The following CALN1 variants were observed in gnomAD, a reference collection of about 807,000 sequenced individuals.
The protein encoded by CALN1 is calcium-binding protein 8.
In CALN1, 17 loss-of-function variants were observed where a neutral mutation model predicts 30.6. The ratio of observed to expected loss-of-function variants is 0.56; its 90% CI spans 0.38 to 0.83. CALN1 has a LOEUF of 0.83. Among genes scored for constraint, CALN1 ranks in the 40% least tolerant of loss-of-function variants. The pLI, the probability that CALN1 is intolerant of heterozygous loss-of-function variation, is 0.00. For synonymous variants in CALN1, 156 were observed against 131.4 expected, an observed-to-expected ratio of 1.19 and a Z score of -1.28; for missense variants, 291 against 354.9, an observed-to-expected ratio of 0.82 and a Z score of 1.45.
At chr7:72,012,506 G>A (rs766803377) in intron 5 of CALN1, among the ~76,000 whole-genome samples, 11 of 152,146 alleles carry the variant, frequency 7.2e-5, no homozygotes, top group South Asian at 2.1e-4. Flanking sequence ...GTGAGACTCC[G>A]TCTCAAAAAA....
At chr7:71,914,731 T>C (rs1794598462) in intron 5 of CALN1, among the ~76,000 whole-genome samples, 1 of 152,170 alleles carries the variant, frequency 6.6e-6, no homozygotes, top group African/African-American at 2.4e-5. Flanking sequence ...TTTTTAGTAA[T>C]AGCCATTCTG....
intron 3 of CALN1, among the ~76,000 whole-genome samples, chr7:72,137,156 T>C (rs1201304438): frequency 6.6e-6 from 1 of 152,168 alleles, no homozygotes; most frequent in Non-Finnish European, 1.5e-5. Context: ...GGAAAGTTTA[T>C]TGCAGGGTTG....
intron 2 of CALN1, among the ~76,000 whole-genome samples, chr7:72,310,514 C>T (rs1184537921): frequency 3.3e-5 from 5 of 151,864 alleles, no homozygotes; most frequent in East Asian, 1.9e-4. Context: ...CACCCTAGTG[C>T]CATTTAGATA....
intron 4 of CALN1, among the ~76,000 whole-genome samples, chr7:72,094,474 G>C (rs1806083555): frequency 6.6e-6 from 1 of 152,074 alleles, no homozygotes; most frequent in Non-Finnish European, 1.5e-5. Context: ...GGCTGGTCTC[G>C]AACTCCTGAC....
chr7:72,055,256 G>A (rs988979659), intron 4 of CALN1, among the ~76,000 whole-genome samples: 1 of 152,144 alleles, frequency 6.6e-6, no homozygotes, highest in Non-Finnish European at 1.5e-5. Context: ...GGTGAGGCGG[G>A]GGTTCTGAAT....
intron 3 of CALN1, among the ~76,000 whole-genome samples, chr7:72,251,696 G>A (rs562477): frequency 0.77 from 116,746 of 152,136 alleles, 45,870 homozygotes; most frequent in East Asian, 1. Flanking sequence ...CCACCATGCC[G>A]TAGCTTATTT....
At chr7:72,424,415 A>C (rs1807731401) in intron 1 of CALN1, among the ~76,000 whole-genome samples, 1 of 152,254 alleles carries the variant, frequency 6.6e-6, no homozygotes, top group African/African-American at 2.4e-5. Context: ...TGGGGACTAA[A>C]ATGTGTAGTG....
At chr7:72,201,821 A>C (rs1207477539) in intron 3 of CALN1, among the ~76,000 whole-genome samples, 1 of 151,930 alleles carries the variant, frequency 6.6e-6, no homozygotes, top group Non-Finnish European at 1.5e-5. Flanking sequence ...ATCATACATC[A>C]AACTCCCCTC....
intron 3 of CALN1, among the ~76,000 whole-genome samples, chr7:72,150,831 C>CCAG (rs989175769): frequency 6.6e-6 from 1 of 151,766 alleles, no homozygotes; most frequent in African/African-American, 2.4e-5. Context: ...GTATACTTGT[C>CCAG]CAGCATAGAG....
chr7:72,277,077 G>A (rs1797381831), intron 3 of CALN1, among the ~76,000 whole-genome samples: 1 of 149,888 alleles, frequency 6.7e-6, no homozygotes, highest in Non-Finnish European at 1.5e-5. Context: ...AGTCTATGGT[G>A]TTTTGTTATA....
At chr7:71,988,209 G>A (rs1798775492) in intron 5 of CALN1, among the ~76,000 whole-genome samples, 1 of 152,226 alleles carries the variant, frequency 6.6e-6, no homozygotes, top group South Asian at 2.1e-4. Flanking sequence ...ACCCTAGGAG[G>A]TGTGTAAATC....
the CALN1 span, among the ~76,000 whole-genome samples, chr7:72,479,796 C>G: frequency 6.6e-6 from 1 of 152,086 alleles, no homozygotes; most frequent in Admixed American, 6.6e-5. Context: ...GAAGATTCAC[C>G]CACCTTGGCT....
intron 3 of CALN1, among the ~76,000 whole-genome samples, chr7:72,264,524 C>T (rs1291547883): frequency 6.7e-6 from 1 of 150,280 alleles, no homozygotes; most frequent in Non-Finnish European, 1.5e-5. Flanking sequence ...GACAGGGTCT[C>T]GCTCTGTTGC....
chr7:72,176,331 C>T (rs1789353422), intron 3 of CALN1, among the ~76,000 whole-genome samples: 1 of 152,126 alleles, frequency 6.6e-6, no homozygotes, highest in South Asian at 2.1e-4. Flanking sequence ...CTAGGCATTC[C>T]CTGCTGTTTG....
rs996698641 is a variant in CALN1, at chr7:72,368,112, A to G, written c.119+35139T>C. ...CTCCAGCATGGGCGACAAAGCGAAGACTCCGTCTCAAAAAATACATATCTG... is the reference window on the plus strand; with the variant it reads ...CTCCAGCATGGGCGACAAAGCGAAGGCTCCGTCTCAAAAAATACATATCTG... On this transcript the variant is annotated intron_variant, in intron 2 of 6. Coordinates refer to ENST00000395275, the MANE Select transcript of CALN1 (RefSeq NM_031468.4). 3.3e-5 allele frequency among the ~76,000 whole-genome samples: 5 copies of G among 151,698 alleles called. No homozygotes were observed. In the East Asian group the frequency reaches 9.7e-4, roughly 29 times the overall value.
At chr7:72,315,567 T>C (rs1800384583) in intron 2 of CALN1, among the ~76,000 whole-genome samples, 1 of 151,782 alleles carries the variant, frequency 6.6e-6, no homozygotes, top group Non-Finnish European at 1.5e-5. Context: ...TTAGATGGTG[T>C]GGTGGTGGAT....
At chr7:71,969,136 A>C (rs1797670699) in intron 5 of CALN1, among the ~76,000 whole-genome samples, 1 of 152,010 alleles carries the variant, frequency 6.6e-6, no homozygotes, top group Non-Finnish European at 1.5e-5. Flanking sequence ...TCTCCCCTTC[A>C]TGTGGAGTCA....
At chr7:72,173,655 G>A (rs571839369) in intron 3 of CALN1, among the ~76,000 whole-genome samples, 1 of 152,096 alleles carries the variant, frequency 6.6e-6, no homozygotes, top group Non-Finnish European at 1.5e-5. Context: ...TTTTACAAAG[G>A]TGCTAAGGTA....
intron 5 of CALN1, among the ~76,000 whole-genome samples, chr7:71,919,415 T>C (rs752503883): frequency 6.6e-6 from 1 of 152,256 alleles, no homozygotes; most frequent in African/African-American, 2.4e-5. Context: ...GTGCATTTCA[T>C]TCAGCATGGA....
Sources: gnomAD v4.1 joint callset for allele counts (sites outside exome capture counted in the v4.1 genomes callset) on GRCh38, gnomAD v4.1.1 for gene constraint, MANE v1.5 for transcripts, NCBI Gene and HGNC (gene_info 2026-07-23, HGNC 2026-07-21) for gene names.